The following CNTNAP2 variants were observed in gnomAD, a reference collection of about 807,000 sequenced individuals.
CNTNAP2 encodes contactin associated protein 2.
Under a neutral mutation model 155.2 loss-of-function variants are expected in CNTNAP2, and 98 were observed. That is an observed-to-expected ratio of 0.63 (90% CI 0.54 to 0.75). CNTNAP2 has a LOEUF of 0.75. CNTNAP2 is among the 30% of genes least tolerant of loss of function. The probability of loss-of-function intolerance (pLI) is 0.00; values close to 1 mark genes in which losing one functional copy is unlikely to be tolerated. For missense variants in CNTNAP2, 1,727 were observed against 1,688.1 expected (o/e 1.02, Z -0.40); for synonymous variants, 651 against 631.2 (o/e 1.03, Z -0.47).
intron 1 of CNTNAP2, among the ~76,000 whole-genome samples, chr7:146,170,115 C>G (rs915257580): frequency 2.0e-5 from 3 of 151,224 alleles, no homozygotes; most frequent in South Asian, 2.1e-4. Context: ...CAACCTCTGC[C>G]TCCTGGGTTC....
chr7:148,198,754 A>G (rs1218639572), intron 18 of CNTNAP2, among the ~76,000 whole-genome samples: 1 of 152,262 alleles, frequency 6.6e-6, no homozygotes, highest in Admixed American at 6.5e-5. Flanking sequence ...GTTCAAAAAC[A>G]TGACCTTGAA....
At chr7:147,820,946 G>T (rs1584973373) in intron 13 of CNTNAP2, among the ~76,000 whole-genome samples, 2 of 152,028 alleles carry the variant, frequency 1.3e-5, no homozygotes, top group East Asian at 3.8e-4. Context: ...TAATGTGGAA[G>T]TATCTTTAAA....
Position 146,986,737 on chromosome 7 carries a change from C to T in CNTNAP2, c.403-57170C>T, listed in dbSNP as rs373982461. On this transcript the variant is annotated intron_variant, in intron 3 of 23. Transcript: ENST00000361727. ...GGTATTGCTTTGTGGTTTTGATTTG[C>T]GTTTGATTTGCATTTCCCTAATTAT... Among the ~76,000 whole-genome samples the T allele has an allele frequency of 4.6e-5, 7 of 151,882 alleles. No individual in the cohort carries two copies. The East Asian group carries it at 9.7e-4, about 21-fold the overall frequency.
intron 1 of CNTNAP2, among the ~76,000 whole-genome samples, chr7:146,687,260 G>T (rs905844118): frequency 1.3e-5 from 2 of 152,236 alleles, no homozygotes; most frequent in Non-Finnish European, 2.9e-5. Context: ...AAACTGCCTG[G>T]AATGAAATCT....
At chr7:147,739,057 C>T (rs906463482) in intron 13 of CNTNAP2, among the ~76,000 whole-genome samples, 1 of 151,728 alleles carries the variant, frequency 6.6e-6, no homozygotes, top group Admixed American at 6.6e-5. Context: ...ACGATATCTC[C>T]AAGATATGCC....
At chr7:147,172,700 G>A (rs564360170) in intron 8 of CNTNAP2, among the ~76,000 whole-genome samples, 1 of 151,958 alleles carries the variant, frequency 6.6e-6, no homozygotes, top group Non-Finnish European at 1.5e-5. Context: ...TTGAAAAATT[G>A]AGCTAAAAAC....
chr7:146,931,576 T>C (rs1420663368), intron 3 of CNTNAP2, among the ~76,000 whole-genome samples: 2 of 149,612 alleles, frequency 1.3e-5, no homozygotes, highest in Non-Finnish European at 3.0e-5. Flanking sequence ...AGGCAAGAAA[T>C]AACTAAAATC....
intron 8 of CNTNAP2, among the ~76,000 whole-genome samples, chr7:147,244,348 C>A (rs918909739): frequency 6.6e-6 from 1 of 152,154 alleles, no homozygotes; most frequent in Non-Finnish European, 1.5e-5. Context: ...AATGACGTTT[C>A]TTTGCAAGGA....
intron 21 of CNTNAP2, among the ~76,000 whole-genome samples, chr7:148,270,300 C>A (rs765837216): frequency 6.6e-6 from 1 of 152,128 alleles, no homozygotes; most frequent in Non-Finnish European, 1.5e-5. Flanking sequence ...TTTGTACACC[C>A]AAGAAAAATG....
In CNTNAP2 at chr7:147,040,326, T is replaced by G. The variant is rs577545399; in HGVS notation, c.403-3581T>G. Among the ~76,000 whole-genome samples, 5 of 152,180 alleles carry G rather than the reference T, an allele frequency of 3.3e-5. No homozygotes were observed. The South Asian group carries it at 1.0e-3, about 32-fold the overall frequency. On this transcript the variant is annotated intron_variant, in intron 3 of 23. Transcript: ENST00000361727. ...AATGAAAGGTGAATGAATAAATACG[T>G]AAGTAAATGTATGAATGAAGCATTT...
intron 15 of CNTNAP2, among the ~76,000 whole-genome samples, chr7:148,036,834 A>C (rs901829040): frequency 6.6e-6 from 1 of 152,174 alleles, no homozygotes; most frequent in Non-Finnish European, 1.5e-5. Flanking sequence ...TGATTCTATA[A>C]GGAATCTCAA....
chr7:146,715,937 G>A (rs1285242619), intron 1 of CNTNAP2, among the ~76,000 whole-genome samples: 1 of 152,024 alleles, frequency 6.6e-6, no homozygotes. Flanking sequence ...TCCTAATAAT[G>A]CCTAAGTCAC....
chr7:146,865,365 T>C (rs1422613309), intron 3 of CNTNAP2, among the ~76,000 whole-genome samples: 2 of 151,902 alleles, frequency 1.3e-5, no homozygotes, highest in Non-Finnish European at 2.9e-5. Flanking sequence ...CCAAACTGGG[T>C]TTGAAAAAAA....
chr7:147,405,432 C>T (rs186621857), intron 10 of CNTNAP2, among the ~76,000 whole-genome samples: 153 of 152,264 alleles, frequency 1.0e-3, no homozygotes, highest in African/African-American at 3.6e-3. Flanking sequence ...AGATTACAGA[C>T]TCATGGACAT....
intron 12 of CNTNAP2, among the ~76,000 whole-genome samples, chr7:147,609,146 G>A (rs951701373): frequency 3.3e-5 from 5 of 152,040 alleles, no homozygotes; most frequent in Non-Finnish European, 5.9e-5. Context: ...CACTGTTCTG[G>A]GTAGCAGAGA....
chr7:147,073,328 AC>A (rs1417615427), intron 4 of CNTNAP2, among the ~76,000 whole-genome samples: 48 of 142,480 alleles, frequency 3.4e-4, no homozygotes, highest in East Asian at 1.3e-3. Flanking sequence ...AAAAAAAAAA[AC>A]CACAAATACT....
chr7:148,060,493 A>G (rs1263962112), intron 15 of CNTNAP2, among the ~76,000 whole-genome samples: 3 of 152,194 alleles, frequency 2.0e-5, no homozygotes, highest in Non-Finnish European at 4.4e-5. Context: ...ATATTTGTTG[A>G]TCAATAGTTA....
At chr7:146,815,076 T>A (rs1045834919) in intron 2 of CNTNAP2, among the ~76,000 whole-genome samples, 2 of 152,212 alleles carry the variant, frequency 1.3e-5, no homozygotes, top group Non-Finnish European at 2.9e-5. Context: ...TAACTAACTT[T>A]GATATCCTCT....
At chr7:146,362,675 C>T (rs10229994) in intron 1 of CNTNAP2, among the ~76,000 whole-genome samples, 2 of 151,176 alleles carry the variant, frequency 1.3e-5, no homozygotes. Context: ...GAATTCTATT[C>T]TAAGTCTAGT....
Sources: allele counts gnomAD v4.1 joint callset (sites outside exome capture counted in the v4.1 genomes callset), GRCh38; gene constraint gnomAD v4.1.1; transcripts MANE v1.5; gene names NCBI Gene and HGNC (gene_info 2026-07-23, HGNC 2026-07-21).